The following GNAI1 variants were observed in gnomAD, a reference collection of about 807,000 sequenced individuals.
GNAI1 encodes guanine nucleotide-binding protein G(i) subunit alpha-1.
A neutral mutation model predicts 38.9 loss-of-function variants in GNAI1; 11 were observed. The observed-to-expected ratio is 0.28, with a 90% CI of 0.18 to 0.47. The LOEUF is 0.47. Ranked by LOEUF, GNAI1 falls within the 20% of genes least tolerant of loss-of-function variation. The pLI, the probability that GNAI1 is intolerant of heterozygous loss-of-function variation, is 0.99. For missense variants in GNAI1, 317 were observed against 436.9 expected (o/e 0.73, Z 2.45); for synonymous variants, 166 against 145.1 (o/e 1.14, Z -1.04).
At chr7:80,198,585 G>A (rs1264934325) in intron 3 of GNAI1, among the ~76,000 whole-genome samples, 1 of 152,016 alleles carries the variant, frequency 6.6e-6, no homozygotes, top group Non-Finnish European at 1.5e-5. Flanking sequence ...CTCCAAAGCT[G>A]TGCTTATTTT....
At chr7:80,148,655 A>G (rs1044083736) in intron 1 of GNAI1, among the ~76,000 whole-genome samples, 1 of 152,170 alleles carries the variant, frequency 6.6e-6, no homozygotes, top group African/African-American at 2.4e-5. Flanking sequence ...GTTCATATCC[A>G]TGGAGAAATA....
chr7:80,181,790 G>A (rs1029089860), intron 1 of GNAI1, among the ~76,000 whole-genome samples: 1 of 152,110 alleles, frequency 6.6e-6, no homozygotes, highest in Non-Finnish European at 1.5e-5. Flanking sequence ...TATATTTACA[G>A]TATACAAGCT....
chr7:80,165,520 T>A (rs1787998515), intron 1 of GNAI1, among the ~76,000 whole-genome samples: 1 of 152,228 alleles, frequency 6.6e-6, no homozygotes, highest in Non-Finnish European at 1.5e-5. Context: ...ATGTGGTATT[T>A]CAGTTATTTA....
At chr7:80,189,400 A>G (rs6945280) in intron 3 of GNAI1, among the ~76,000 whole-genome samples, 169 bp downstream of exon 3, 86,490 of 151,990 alleles carry the variant, frequency 0.57, 25,770 homozygotes, top group East Asian at 0.8. Flanking sequence ...GTGAAATATT[A>G]GAATATGTAG....
intron 1 of GNAI1, among the ~76,000 whole-genome samples, chr7:80,178,385 GT>G (rs1414050396): frequency 6.6e-6 from 1 of 152,178 alleles, no homozygotes; most frequent in African/African-American, 2.4e-5. Context: ...CGGGTAAAGT[GT>G]TACTCAAAGA....
At chr7:80,210,878 A>G in intron 5 of GNAI1, 91 bp from the exon 6 acceptor site, 9 of 1,089,934 alleles carry the variant, frequency 8.3e-6, no homozygotes, top group Non-Finnish European at 1.2e-5. Flanking sequence ...CATTTCCACA[A>G]CTATTCAGAG....
chr7:80,206,209 A>G (rs1404372630), intron 5 of GNAI1, among the ~76,000 whole-genome samples: 1 of 152,018 alleles, frequency 6.6e-6, no homozygotes, highest in Non-Finnish European at 1.5e-5. Flanking sequence ...TCAATTTTTC[A>G]TGGCTACTTC....
Position 80,221,701 on chromosome 7 carries a change from C to T in GNAI1, c.*4208C>T, listed in dbSNP as rs186927992. On this transcript the variant is annotated 3_prime_UTR_variant, in exon 8 of 8. Transcript: ENST00000649796. ...CTCCTTCACCAGGCTGGAGTGCAGT[C>T]GTGCAATCTCCACTCTCTGCAACCT... Among the ~76,000 whole-genome samples, 19 of 122,218 alleles carry T rather than the reference C, an allele frequency of 1.6e-4. No homozygotes were observed. In the East Asian group the frequency reaches 5.1e-3, roughly 33 times the overall value. The allele number at this position is 122,218 out of a possible 152,430, so 80.2% of individuals were successfully genotyped here.
At chr7:80,210,932 A>G in intron 5 of GNAI1, 37 bp from the exon 6 acceptor site, 1 of 1,594,718 alleles carries the variant, frequency 6.3e-7, no homozygotes, top group South Asian at 1.1e-5. Flanking sequence ...CTTTTTGAAC[A>G]TTTAATGTGA....
intron 4 of GNAI1, among the ~76,000 whole-genome samples, chr7:80,202,387 G>A (rs558059299): frequency 1.2e-4 from 18 of 152,174 alleles, no homozygotes; most frequent in Admixed American, 2.6e-4. Flanking sequence ...CACGCCTGGC[G>A]AACTGTAACG....
intron 3 of GNAI1, among the ~76,000 whole-genome samples, chr7:80,193,145 T>A (rs1395175209): frequency 3.9e-5 from 6 of 152,164 alleles, no homozygotes; most frequent in Non-Finnish European, 8.8e-5. Flanking sequence ...TCCGTTGTTC[T>A]TTTGCCGAAT....
intron 7 of GNAI1, among the ~76,000 whole-genome samples, chr7:80,215,583 G>T (rs1788953507): frequency 6.6e-6 from 1 of 152,088 alleles, no homozygotes; most frequent in Admixed American, 6.6e-5. Flanking sequence ...ATGGGCATTT[G>T]TCACATTGTA....
intron 3 of GNAI1, 58 bp from the exon 4 acceptor site, chr7:80,199,167 G>A (rs1788635332): frequency 1.7e-6 from 2 of 1,195,202 alleles, no homozygotes; most frequent in African/African-American, 1.5e-5. Flanking sequence ...TGTCTCCTTT[G>A]TACTTTTTAT....
chr7:80,172,747 T>G (rs1788117954), intron 1 of GNAI1, among the ~76,000 whole-genome samples: 1 of 152,240 alleles, frequency 6.6e-6, no homozygotes, highest in South Asian at 2.1e-4. Context: ...CGGCATTTTT[T>G]AGCAGCTTGC....
At chr7:80,217,234 C>CTGACTTCAGTTTCATATGTATGAAAA in intron 7 of GNAI1, 69 bp from the exon 8 acceptor site, 2 of 1,045,062 alleles carry the variant, frequency 1.9e-6, no homozygotes, top group Non-Finnish European at 2.8e-6. Flanking sequence ...ATGTATGAAA[C>CTGACTTCAGTTTCATATGTATGAAAA]TGAATTCAGT....
At chr7:80,207,904 CTG>C (rs1327335839) in intron 5 of GNAI1, among the ~76,000 whole-genome samples, 9 of 152,188 alleles carry the variant, frequency 5.9e-5, no homozygotes, top group South Asian at 2.1e-4. Flanking sequence ...GAATCAGCAA[CTG>C]TGTTTTACTT....
At chr7:80,209,079 T>C (rs1484821834) in intron 5 of GNAI1, among the ~76,000 whole-genome samples, 1 of 152,214 alleles carries the variant, frequency 6.6e-6, no homozygotes, top group Non-Finnish European at 1.5e-5. Flanking sequence ...ATCTCCCTAT[T>C]TCTACCAGCA....
At chr7:80,194,262 T>C (rs1431720199) in intron 3 of GNAI1, among the ~76,000 whole-genome samples, 1 of 152,190 alleles carries the variant, frequency 6.6e-6, no homozygotes, top group Admixed American at 6.5e-5. Context: ...TTTCCCTGTC[T>C]ATTGATTATA....
intron 1 of GNAI1, among the ~76,000 whole-genome samples, chr7:80,157,974 G>T (rs1163399674): frequency 6.6e-6 from 1 of 152,144 alleles, no homozygotes; most frequent in Non-Finnish European, 1.5e-5. Flanking sequence ...CTCCCAAAGT[G>T]CTGGGATTAC....
Sources: allele counts gnomAD v4.1 joint callset (sites outside exome capture counted in the v4.1 genomes callset), GRCh38; gene constraint gnomAD v4.1.1; transcripts MANE v1.5; gene names NCBI Gene and HGNC (gene_info 2026-07-23, HGNC 2026-07-21).